Variants in RELN observed in about 807,000 individuals in gnomAD.
The protein encoded by RELN is reelin.
RELN carries 108 observed loss-of-function variants against 427.6 expected under a neutral mutation model. The ratio of observed to expected loss-of-function variants is 0.25; its 90% CI spans 0.22 to 0.30. RELN has a LOEUF of 0.30. RELN is among the 10% of genes least tolerant of loss of function. RELN has a pLI of 1.00. For synonymous variants in RELN, 1,524 were observed against 1,513.4 expected (o/e 1.01, Z -0.16); for missense variants, 3,715 against 4,302.8 (o/e 0.86, Z 3.82).
intron 2 of RELN, among the ~76,000 whole-genome samples, chr7:103,859,518 C>A (rs1180684684): frequency 1.3e-5 from 2 of 152,254 alleles, no homozygotes; most frequent in East Asian, 1.9e-4. Flanking sequence ...TGGTCTCGAT[C>A]TCCTGACCTC....
At chr7:103,790,479 G>T (rs1323389688) in intron 3 of RELN, among the ~76,000 whole-genome samples, 2 of 151,936 alleles carry the variant, frequency 1.3e-5, no homozygotes, top group African/African-American at 4.8e-5. Context: ...TCCAGGCCTG[G>T]GGTAGTCAAA....
intron 60 of RELN, 89 bp from the exon 61 acceptor site, chr7:103,486,505 A>T: frequency 1.0e-6 from 1 of 963,304 alleles, no homozygotes. Flanking sequence ...AGGTTTAAGT[A>T]GTTGTTACTG....
intron 2 of RELN, among the ~76,000 whole-genome samples, chr7:103,893,692 A>G (rs1794897622): frequency 6.6e-6 from 1 of 152,188 alleles, no homozygotes; most frequent in Non-Finnish European, 1.5e-5. Context: ...AGAGCAGACA[A>G]TAGACATTTT....
chr7:103,543,700 C>G (rs551568545), intron 42 of RELN, among the ~76,000 whole-genome samples: 1 of 151,668 alleles, frequency 6.6e-6, no homozygotes, highest in African/African-American at 2.4e-5. Context: ...CTTTAAAAAC[C>G]AGCTCTTAAA....
chr7:103,838,798 C>T (rs1217419013), intron 2 of RELN, among the ~76,000 whole-genome samples: 1 of 152,200 alleles, frequency 6.6e-6, no homozygotes, highest in Non-Finnish European at 1.5e-5. Flanking sequence ...AACCCCTCTT[C>T]AAAAATGAGT....
At chr7:103,927,654 GCTGTA>G (rs1795774930) in intron 1 of RELN, among the ~76,000 whole-genome samples, 1 of 152,160 alleles carries the variant, frequency 6.6e-6, no homozygotes, top group South Asian at 2.1e-4. Flanking sequence ...AATGGAAAAT[GCTGTA>G]CTTTTTATTT....
intron 48 of RELN, 51 bp from the exon 49 acceptor site, chr7:103,519,567 G>C: frequency 7.4e-7 from 1 of 1,349,018 alleles, no homozygotes; most frequent in Non-Finnish European, 1.0e-6. Context: ...CTCGATTGCA[G>C]ATTATAGATT....
At chr7:103,814,208 TATTTC>T (rs1339386253) in intron 3 of RELN, among the ~76,000 whole-genome samples, 2 of 152,174 alleles carry the variant, frequency 1.3e-5, no homozygotes, top group African/African-American at 2.4e-5. Flanking sequence ...TAACACTGCT[TATTTC>T]ATAAGACTGT....
chr7:103,522,147 G>C lies in RELN; in HGVS notation c.7543C>G (p.Pro2515Ala), dbSNP rs1456639862. Reference protein sequence around the residue: ...LYCDDPETSLPTQLKDNFNRA... With the variant: ...LYCDDPETSLATQLKDNFNRA... ...TTGAAGTTGTCTTTGAGTTGGGTTG[G>C]AAGAGAGGTCTCGGGGTCATCACAG... Residue 2515 changes from proline (P) to alanine (A), a missense_variant, in exon 48 of 65, where the codon CCA becomes GCA. By Grantham distance (27) the Pro-to-Ala change is conservative (BLOSUM62 -1). Around this residue, in one of 4 missense-constraint regions of RELN, gnomAD observed 1,310 missense variants for 1,643.0 expected, o/e 0.80. Coordinates refer to ENST00000428762, the MANE Select transcript of RELN (RefSeq NM_005045.4). The C allele has an allele frequency of 1.2e-6, 2 of 1,614,004 alleles. No individual in the cohort carries two copies. The highest frequency in any genetic ancestry group is 1.7e-6 in the Non-Finnish European group (2 of 1,180,034).
chr7:103,507,433 C>T (rs1251678950), intron 51 of RELN, among the ~76,000 whole-genome samples: 2 of 152,186 alleles, frequency 1.3e-5, no homozygotes, highest in African/African-American at 4.8e-5. Context: ...TGAATGACTA[C>T]TGGGTACATA....
At chr7:103,883,272 G>A (rs1794648623) in intron 2 of RELN, among the ~76,000 whole-genome samples, 1 of 152,110 alleles carries the variant, frequency 6.6e-6, no homozygotes, top group Non-Finnish European at 1.5e-5. Context: ...GGGTATTGAT[G>A]GAACATATCT....
At chr7:103,764,768 G>A (rs1387643738) in intron 4 of RELN, among the ~76,000 whole-genome samples, 1 of 150,414 alleles carries the variant, frequency 6.6e-6, no homozygotes. Context: ...CCTGGGAGGC[G>A]GAGTTTGCAG....
At chr7:103,742,642 G>A (rs145013905) in intron 6 of RELN, among the ~76,000 whole-genome samples, 2,654 of 152,284 alleles carry the variant, frequency 0.017, 71 homozygotes, top group African/African-American at 0.061. Flanking sequence ...TAGCCAATGC[G>A]ATCAACTGGA....
chr7:103,888,263 C>A (rs187333451), intron 2 of RELN, among the ~76,000 whole-genome samples: 1 of 151,744 alleles, frequency 6.6e-6, no homozygotes, highest in African/African-American at 2.4e-5. Flanking sequence ...ATATATATCA[C>A]CCGAGAACCT....
At chr7:103,880,409 G>A (rs1161143019) in intron 2 of RELN, among the ~76,000 whole-genome samples, 1 of 152,222 alleles carries the variant, frequency 6.6e-6, no homozygotes, top group Non-Finnish European at 1.5e-5. Context: ...TTATAAAGCT[G>A]CTATTTCAAA....
chr7:103,515,037 GA>G, intron 50 of RELN, 147 bp downstream of exon 50: 2 of 977,670 alleles, frequency 2.0e-6, no homozygotes, highest in Admixed American at 2.1e-5. Context: ...TAGGAAGGCT[GA>G]GAGGAACAAA....
At chr7:103,619,550 G>C (rs1320025388) in intron 20 of RELN, among the ~76,000 whole-genome samples, 1 of 152,220 alleles carries the variant, frequency 6.6e-6, no homozygotes, top group Non-Finnish European at 1.5e-5. Context: ...ATTTGTTGGT[G>C]AGATCATGGT....
chr7:103,640,625 A>C lies in RELN; in HGVS notation c.2003-16T>G. 6.2e-7 allele frequency: 1 copy of C among 1,613,220 alleles called. No individual in the cohort carries two copies. Among genetic ancestry groups the C allele is most frequent in the East Asian group, 2.2e-5 (1 of 44,742 alleles). On this transcript the variant is annotated splice_polypyrimidine_tract_variant and intron_variant, in intron 16 of 64. Transcript: ENST00000428762. This position sits in a 1 kb window ranked among gnomAD's most constrained non-coding sequence, Gnocchi z 4.1. ...CCAATATAAACTGTGGGAGGGAAAA[A>C]GAGAACATAATTACAAAAACATAGA...
chr7:103,559,462 A>C (rs189966812), intron 36 of RELN, among the ~76,000 whole-genome samples: 7 of 152,324 alleles, frequency 4.6e-5, no homozygotes, highest in African/African-American at 1.7e-4. Flanking sequence ...TTTTATGCCT[A>C]GTAATTCACT....
Sources: gnomAD v4.1 joint callset for allele counts (sites outside exome capture counted in the v4.1 genomes callset) on GRCh38, gnomAD v4.1.1 for gene constraint, gnomAD v4.1.1 regional missense constraint, Gnocchi (gnomAD v3.1) non-coding constraint, MANE v1.5 for transcripts, NCBI Gene and HGNC (gene_info 2026-07-23, HGNC 2026-07-21) for gene names.